AGAP3: variants seen among roughly 807,000 people sequenced by gnomAD.
The protein encoded by AGAP3 is ArfGAP with GTPase domain, ankyrin repeat and PH domain 3, also known as arf-GAP with GTPase, ANK repeat and PH domain-containing protein 3.
In AGAP3, 24 loss-of-function variants were observed where a neutral mutation model predicts 96.9. The ratio of observed to expected loss-of-function variants is 0.25; its 90% confidence interval spans 0.18 to 0.35. The LOEUF (loss-of-function observed/expected upper bound fraction) is 0.35, where lower values mean the gene tolerates loss of function less well. Among genes scored for constraint, AGAP3 ranks in the 10% least tolerant of loss-of-function variants. The probability of loss-of-function intolerance (pLI) is 1.00; values close to 1 mark genes in which losing one functional copy is unlikely to be tolerated. For synonymous variants in AGAP3, 563 were observed against 536.1 expected (o/e 1.05, Z -0.69); for missense variants, 876 against 1,254.2 (o/e 0.70, Z 4.55).
chr7:151,143,297 G>A lies in AGAP3; in HGVS notation c.2274-44G>A, dbSNP rs377272788. On this transcript the variant is annotated intron_variant, in intron 16 of 17. Transcript: ENST00000397238. This position sits in a 1 kb window ranked among gnomAD's most constrained non-coding sequence, Gnocchi z 5.9. Reference sequence around the variant, plus strand: ...ACCTTCCTGGCCCCACCCGTTGCTCGGTGACCTTCCTTGGCTCATGCCCTG... The same window carrying A: ...ACCTTCCTGGCCCCACCCGTTGCTCAGTGACCTTCCTTGGCTCATGCCCTG... 141 of 1,560,540 alleles carry A rather than the reference G, an allele frequency of 9.0e-5. No homozygotes were observed. In the African/African-American group the frequency reaches 1.6e-3, roughly 18 times the overall value.
chr7:151,105,690 C>T (rs1038477007), intron 1 of AGAP3, among the ~76,000 whole-genome samples: 1 of 148,618 alleles, frequency 6.7e-6, no homozygotes, highest in East Asian at 2.0e-4. Context: ...CTCTTGAGCC[C>T]GGGAGGGGAG....
intron 1 of AGAP3, 94 bp from the exon 2 acceptor site, chr7:151,116,699 C>T (rs1337144483): frequency 9.0e-6 from 13 of 1,439,718 alleles, no homozygotes; most frequent in Non-Finnish European, 1.3e-5. Context: ...CTGGCCTGGG[C>T]TTGGGGAGGG....
intron 1 of AGAP3, chr7:151,115,509 GGCCGCCCCCGCACC>G: frequency 9.7e-7 from 1 of 1,027,960 alleles, no homozygotes; most frequent in Non-Finnish European, 1.2e-6. Flanking sequence ...GCCGGAGCCC[GGCCGCCCCCGCACC>G]GCCGCCGGCC....
At chr7:151,107,168 G>A (rs1799090204) in intron 1 of AGAP3, among the ~76,000 whole-genome samples, 1 of 152,106 alleles carries the variant, frequency 6.6e-6, no homozygotes, top group Admixed American at 6.5e-5. Context: ...AATTTAGCCG[G>A]ATGTGGTGGC....
chr7:151,109,070 G>A (rs1799172574), intron 1 of AGAP3, among the ~76,000 whole-genome samples: 2 of 151,382 alleles, frequency 1.3e-5, no homozygotes, highest in African/African-American at 4.8e-5. Flanking sequence ...GCCCATGCCT[G>A]TAATCCCAGC....
chr7:151,089,078 C>G (rs376573987), intron 1 of AGAP3, among the ~76,000 whole-genome samples: 8 of 152,272 alleles, frequency 5.3e-5, no homozygotes, highest in African/African-American at 1.9e-4. Context: ...CTCCCTCCCC[C>G]CTGCCCAGCC....
chr7:151,109,410 C>T (rs1799192085), intron 1 of AGAP3, among the ~76,000 whole-genome samples: 1 of 152,132 alleles, frequency 6.6e-6, no homozygotes, highest in Non-Finnish European at 1.5e-5. Flanking sequence ...AAGGTGTGGG[C>T]AAGGCCACGC....
Position 151,141,573 on chromosome 7 carries a change from GCT to G in AGAP3, c.1805-322_1805-321del, listed in dbSNP as rs766260679. On this transcript the variant is annotated intron_variant, in intron 13 of 17. Coordinates refer to ENST00000397238, the MANE Select transcript of AGAP3 (RefSeq NM_031946.7). This position sits in a 1 kb window ranked among gnomAD's most constrained non-coding sequence, Gnocchi z 4.2. ...CGTCACATCCTTCTCCAGATACTCA[GCT>G]CTTTCTGTGGGATGCACCCCTCTCT... The G allele has an allele frequency of 1.3e-4, 48 of 358,466 alleles. 1 individual carries two copies. In the East Asian group the frequency reaches 2.9e-3, roughly 22 times the overall value. 22.2% of individuals were successfully genotyped at this position (358,466 alleles called of 1,614,324 possible).
chr7:151,101,681 ACAGAGGC>A (rs1798839672), intron 1 of AGAP3, among the ~76,000 whole-genome samples: 1 of 152,142 alleles, frequency 6.6e-6, no homozygotes, highest in African/African-American at 2.4e-5. Context: ...GGGTAGCAGT[ACAGAGGC>A]TGGGAGGAAG....
chr7:151,115,696 C>T (rs981903371), intron 1 of AGAP3: 8 of 1,068,364 alleles, frequency 7.5e-6, no homozygotes, highest in Admixed American at 5.2e-5. Flanking sequence ...GGGAGAAAAG[C>T]CGGACGCGCC....
rs981839440 is a variant in AGAP3 at position 151,133,151 on chromosome 7, G to T, written c.1327-1249G>T. Among the ~76,000 whole-genome samples the T allele has an allele frequency of 6.6e-6, 1 of 152,214 alleles. No homozygotes were observed. The highest frequency in any genetic ancestry group is 2.4e-5 in the African/African-American group (1 of 41,452). On this transcript the variant is annotated intron_variant, in intron 10 of 17. Transcript: ENST00000397238. The surrounding 1 kb of genome is among the most constrained non-coding windows in gnomAD (Gnocchi z 5.4). ...TCCAATCAATGTAATTCAGTCAGAA[G>T]TTAAATCTGGCACCACCACCCAGGT...
intron 1 of AGAP3, among the ~76,000 whole-genome samples, chr7:151,109,099 C>T (rs1799173204): frequency 6.7e-6 from 1 of 149,466 alleles, no homozygotes; most frequent in Admixed American, 6.7e-5. Flanking sequence ...AGGTCAAGGC[C>T]AGTTGATCAC....
At chr7:151,121,479 A>G (rs1799889156) in intron 8 of AGAP3, among the ~76,000 whole-genome samples, 1 of 151,952 alleles carries the variant, frequency 6.6e-6, no homozygotes, top group Admixed American at 6.6e-5. Flanking sequence ...CCGCTGCCTC[A>G]GTTCCATTCT....
chr7:151,127,917 G>A (rs552621981), intron 9 of AGAP3, among the ~76,000 whole-genome samples: 4 of 152,280 alleles, frequency 2.6e-5, no homozygotes, highest in Admixed American at 6.5e-5. Flanking sequence ...CCCTGTCCCC[G>A]GGGCAGGCTC....
At chr7:151,106,462 A>G (rs34710456) in intron 1 of AGAP3, among the ~76,000 whole-genome samples, 113,449 of 152,018 alleles carry the variant, frequency 0.75, 42,515 homozygotes, top group East Asian at 0.98. Context: ...GACTACAGGC[A>G]TGCAACACCA....
Position 151,118,381 on chromosome 7 carries a change from C to T in AGAP3, c.841+37C>T, listed in dbSNP as rs550322041. 21 of 1,597,362 alleles carry T rather than the reference C, an allele frequency of 1.3e-5. No individual in the cohort carries two copies. In the South Asian group the frequency reaches 1.4e-4, roughly 11 times the overall value. On this transcript the variant is annotated intron_variant, in intron 6 of 17. Transcript: ENST00000397238. The surrounding 1 kb of genome is among the most constrained non-coding windows in gnomAD (Gnocchi z 6.1). ...GCCGGGTGGGAGTCACTGGCAGCCG[C>T]GGCCCCAGTGCTGGCGATAGGAAGG...
Position 151,118,781 on chromosome 7 carries a change from G to A in AGAP3, c.969+149G>A. ...GCATGTTGCTTGGAAACATTGGTTG[G>A]AATTCCATTTAGCCGGCACCGTAGC... On this transcript the variant is annotated intron_variant, in intron 7 of 17. Coordinates refer to ENST00000397238, the MANE Select transcript of AGAP3 (RefSeq NM_031946.7). This position sits in a 1 kb window ranked among gnomAD's most constrained non-coding sequence, Gnocchi z 6.1. 3 of 1,222,116 alleles carry A rather than the reference G, an allele frequency of 2.5e-6. No individual in the cohort carries two copies. The Admixed American group carries it at 5.8e-5, about 24-fold the overall frequency. 75.7% of individuals were successfully genotyped at this position (1,222,116 alleles called of 1,614,324 possible).
Position 151,105,421 on chromosome 7 carries a change from A to G in AGAP3, c.332-11372A>G, listed in dbSNP as rs143239149. On this transcript the variant is annotated intron_variant, in intron 1 of 17. Coordinates refer to ENST00000397238, the MANE Select transcript of AGAP3 (RefSeq NM_031946.7). ...TCTTGCATTTTTTATACAGGTCCAT[A>G]TAATTTTGTTACATACAAATTTGTA... Among the ~76,000 whole-genome samples, 1,471 of 152,218 alleles carry G rather than the reference A, an allele frequency of 9.7e-3. 17 individuals are homozygous for G. Among genetic ancestry groups the G allele is most frequent in the Non-Finnish European group, 0.015 (1,033 of 68,006 alleles).
At chr7:151,128,814 C>T (rs1037719370) in intron 10 of AGAP3, 130 bp downstream of exon 10, 1 of 781,934 alleles carries the variant, frequency 1.3e-6, no homozygotes, top group Non-Finnish European at 2.1e-6. Flanking sequence ...ATGGCTCATC[C>T]CTGGAGAAGG....
Sources: gnomAD v4.1 joint callset for allele counts (sites outside exome capture counted in the v4.1 genomes callset) on GRCh38, gnomAD v4.1.1 for gene constraint, Gnocchi (gnomAD v3.1) non-coding constraint, MANE v1.5 for transcripts, NCBI Gene and HGNC (gene_info 2026-07-23, HGNC 2026-07-21) for gene names.